Variants in PDZD2 observed in about 807,000 individuals in gnomAD.
PDZD2 encodes PDZ domain-containing protein 2.
In PDZD2, 90 loss-of-function variants were observed where a neutral mutation model predicts 220.7. The observed-to-expected ratio is 0.41, with a 90% CI of 0.34 to 0.49. PDZD2 has a LOEUF of 0.49. Among genes scored for constraint, PDZD2 ranks in the 20% least tolerant of loss-of-function variants. The pLI is 0.28. For synonymous variants in PDZD2, 1,375 were observed against 1,450.5 expected, an observed-to-expected ratio of 0.95 and a Z score of 1.18; for missense variants, 3,174 against 3,608.5, an observed-to-expected ratio of 0.88 and a Z score of 3.08.
chr5:31,794,582 T>C (rs1183096319), intron 1 of PDZD2, among the ~76,000 whole-genome samples: 1 of 151,732 alleles, frequency 6.6e-6, no homozygotes, highest in African/African-American at 2.4e-5. Context: ...TTGTATTTTG[T>C]TTAGTAGAGA....
intron 1 of PDZD2, among the ~76,000 whole-genome samples, chr5:31,708,550 A>G (rs987722438): frequency 6.6e-6 from 1 of 152,226 alleles, no homozygotes; most frequent in Admixed American, 6.5e-5. Flanking sequence ...GGAGAAATTG[A>G]TGCTTCTGTT....
At chr5:32,079,759 C>A (rs1163030775) in intron 19 of PDZD2, among the ~76,000 whole-genome samples, 1 of 151,484 alleles carries the variant, frequency 6.6e-6, no homozygotes, top group Non-Finnish European at 1.5e-5. Context: ...TGCAGTGAGC[C>A]GAGATCGAGC....
chr5:32,099,755 A>G (rs900485776), intron 23 of PDZD2: 1 of 152,256 alleles, frequency 6.6e-6, no homozygotes, highest in Admixed American at 6.5e-5. Flanking sequence ...TCTGTCATTT[A>G]TAATCAATCA....
chr5:32,073,393 A>C (rs1359499758), intron 17 of PDZD2, among the ~76,000 whole-genome samples: 2 of 152,236 alleles, frequency 1.3e-5, no homozygotes, highest in Admixed American at 6.5e-5. Context: ...CCCTTTCTGC[A>C]GATGAAGGAA....
intron 2 of PDZD2, among the ~76,000 whole-genome samples, chr5:31,814,868 C>T (rs940721440): frequency 2.0e-5 from 3 of 151,712 alleles, no homozygotes; most frequent in Non-Finnish European, 2.9e-5. Context: ...TAGAAAGGAG[C>T]GTATGGGTTA....
At chr5:31,683,722 G>A (rs1281275512) in intron 1 of PDZD2, among the ~76,000 whole-genome samples, 1 of 152,154 alleles carries the variant, frequency 6.6e-6, no homozygotes, top group Non-Finnish European at 1.5e-5. Flanking sequence ...TGCTGTTGAG[G>A]CAGGCTTTGC....
At chr5:32,042,208 G>T (rs1490185743) in intron 7 of PDZD2, among the ~76,000 whole-genome samples, 3 of 145,770 alleles carry the variant, frequency 2.1e-5, no homozygotes, top group Non-Finnish European at 3.0e-5. Context: ...CTTGCAGTGA[G>T]CCGAGATTGC....
intron 1 of PDZD2, among the ~76,000 whole-genome samples, chr5:31,645,957 G>T (rs1240476686): frequency 6.6e-6 from 1 of 151,954 alleles, no homozygotes; most frequent in South Asian, 2.1e-4. Context: ...GGAAGGGGGT[G>T]GGGAACTGGG....
chr5:31,858,961 C>A (rs113468873), intron 2 of PDZD2, among the ~76,000 whole-genome samples: 1 of 152,038 alleles, frequency 6.6e-6, no homozygotes, highest in African/African-American at 2.4e-5. Context: ...TGAAGTGATC[C>A]GCCTCAGCCT....
chr5:31,929,082 G>C (rs1467879729), intron 2 of PDZD2, among the ~76,000 whole-genome samples: 5 of 152,140 alleles, frequency 3.3e-5, no homozygotes, highest in African/African-American at 1.2e-4. Context: ...ACCCTTGCTT[G>C]GGAGCCTCGT....
chr5:31,682,800 G>A (rs997552196), intron 1 of PDZD2, among the ~76,000 whole-genome samples: 16 of 151,510 alleles, frequency 1.1e-4, no homozygotes, highest in African/African-American at 2.9e-4. Context: ...AGACCAAGAC[G>A]CTCCATTTCC....
At chr5:31,821,715 T>C (rs1755874734) in intron 2 of PDZD2, among the ~76,000 whole-genome samples, 1 of 152,074 alleles carries the variant, frequency 6.6e-6, no homozygotes, top group African/African-American at 2.4e-5. Context: ...TTCTGGGATA[T>C]GGGTGCAGAA....
chr5:31,819,540 C>T (rs1292870798), intron 2 of PDZD2, among the ~76,000 whole-genome samples: 1 of 151,628 alleles, frequency 6.6e-6, no homozygotes, highest in Non-Finnish European at 1.5e-5. Context: ...ACCTGTAATC[C>T]CAGCTACTCA....
intron 24 of PDZD2, among the ~76,000 whole-genome samples, chr5:32,105,585 CTCTA>C (rs1428464841): frequency 6.6e-6 from 1 of 152,130 alleles, no homozygotes; most frequent in African/African-American, 2.4e-5. Context: ...TTACACCTCT[CTCTA>C]TATACTAACT....
chr5:31,704,930 G>A (rs927558061), intron 1 of PDZD2, among the ~76,000 whole-genome samples: 7 of 152,264 alleles, frequency 4.6e-5, no homozygotes, highest in Middle Eastern at 3.4e-3. Flanking sequence ...GAAGGCCGAG[G>A]TGGGCGGGTC....
chr5:31,662,892 A>G (rs1745835206), intron 1 of PDZD2, among the ~76,000 whole-genome samples: 1 of 152,206 alleles, frequency 6.6e-6, no homozygotes, highest in Admixed American at 6.5e-5. Context: ...GGCCTCCCAA[A>G]GTGCTGGGAT....
intron 1 of PDZD2, among the ~76,000 whole-genome samples, chr5:31,647,142 G>T (rs1432577707): frequency 6.6e-6 from 1 of 152,204 alleles, no homozygotes; most frequent in Non-Finnish European, 1.5e-5. Context: ...AGCTTCCCAG[G>T]CTCCGTCTTT....
intron 2 of PDZD2, among the ~76,000 whole-genome samples, chr5:31,954,795 G>T (rs981796945): frequency 3.3e-5 from 5 of 152,058 alleles, no homozygotes; most frequent in African/African-American, 1.2e-4. Flanking sequence ...AATTAGCCGG[G>T]CGTGGTGGTG....
chr5:31,673,485 T>G (rs1016812183), intron 1 of PDZD2, among the ~76,000 whole-genome samples: 1 of 152,112 alleles, frequency 6.6e-6, no homozygotes, highest in Non-Finnish European at 1.5e-5. Context: ...GTGCATGAGG[T>G]GAGTTGGGGA....
Sources: gnomAD v4.1 joint callset for allele counts (sites outside exome capture counted in the v4.1 genomes callset) on GRCh38, gnomAD v4.1.1 for gene constraint, MANE v1.5 for transcripts, NCBI Gene and HGNC (gene_info 2026-07-23, HGNC 2026-07-21) for gene names.